Variants in MXRA8 observed in about 807,000 individuals in gnomAD.
MXRA8 encodes matrix remodeling associated 8.
Under a neutral mutation model 51.4 loss-of-function variants are expected in MXRA8, and 44 were observed. The observed-to-expected ratio is 0.86, with a 90% CI of 0.67 to 1.10. MXRA8 has a LOEUF of 1.10. Ranked by LOEUF, MXRA8 falls within the 50% of genes least tolerant of loss-of-function variation. The probability of loss-of-function intolerance (pLI) is 0.00; values close to 1 mark genes in which losing one functional copy is unlikely to be tolerated. For synonymous variants in MXRA8, 369 were observed against 293.5 expected (o/e 1.26, Z -2.63); for missense variants, 765 against 638.9 (o/e 1.20, Z -2.13).
At position 1,354,944 on chromosome 1, in the gene MXRA8, G is replaced by C; in HGVS notation, c.687C>G (p.Gly229=). The C allele has an allele frequency of 6.2e-7, 1 of 1,601,046 alleles. No homozygotes were observed. The highest frequency in any genetic ancestry group is 8.5e-7 in the Non-Finnish European group (1 of 1,174,830). The part of the protein sequence containing the change: ...ADRLLDLYAS[G]ERRAYGPLFL... ...AAAGGGGCCCGTAGGCGCGGCGCTCGCCCGACGCGTAGAGGTCCAGCAGGC... is the reference window on the plus strand; with the variant it reads ...AAAGGGGCCCGTAGGCGCGGCGCTCCCCCGACGCGTAGAGGTCCAGCAGGC... Residue 229 remains glycine (G), a synonymous_variant, in exon 5 of 10, where the codon GGC becomes GGG. Coordinates refer to ENST00000309212, the MANE Select transcript of MXRA8 (RefSeq NM_032348.4).
Position 1,354,393 on chromosome 1 carries a change from G to A in MXRA8, c.1066C>T (p.Leu356=). 1 of 1,612,360 alleles carries A rather than the reference G, an allele frequency of 6.2e-7. No homozygotes were observed. The highest frequency in any genetic ancestry group is 8.5e-7 in the Non-Finnish European group (1 of 1,179,842). Residue 356 remains leucine, a synonymous_variant, in exon 6 of 10, where the codon CTG becomes TTG. Transcript: ENST00000309212. The part of the protein sequence containing the change: ...LATLLLFILL[L]VTVLLAARRR... ...CGGGCGGCCAGGAGGACAGTGACCA[G>A]TAGCAGGATGAAGAGCAGCAGCGTG...
chr1:1,363,098 A>G (rs1417517557), upstream of MXRA8, among the ~76,000 whole-genome samples: 1 of 151,272 alleles, frequency 6.6e-6, no homozygotes, highest in East Asian at 1.9e-4. Context: ...AAAAAAAGAA[A>G]GGAGTGAAAC....
upstream of MXRA8, chr1:1,358,643 C>T (rs1569809769): frequency 1.4e-6 from 2 of 1,416,066 alleles, no homozygotes; most frequent in South Asian, 1.6e-5. Context: ...GGGACCGCCC[C>T]CTCTGGCTCC....
At chr1:1,360,999 C>G (rs927613075), upstream of MXRA8, among the ~76,000 whole-genome samples, 1 of 151,284 alleles carries the variant, frequency 6.6e-6, no homozygotes, top group African/African-American at 2.4e-5. Flanking sequence ...GACACATGCA[C>G]ACACGCGAAG....
In MXRA8 at chr1:1,355,154, T is replaced by A. The variant is rs1271221908; in HGVS notation, c.479-2A>T. ...CCCAGTAGGCGGGGGTGGCCGGGGC[T>A]GCGGAGGGGGCGCGGTCAGCGGCGC... is the stretch of plus-strand genomic sequence containing the variant. On this transcript the variant is annotated splice_acceptor_variant, in intron 4 of 9. Transcript: ENST00000309212. LOFTEE classifies it high-confidence loss of function. 1 of 1,240,096 alleles carries A rather than the reference T, an allele frequency of 8.1e-7. No homozygotes were observed. Among genetic ancestry groups the A allele is most frequent in the Non-Finnish European group, 1.0e-6 (1 of 993,704 alleles). 76.8% of individuals were successfully genotyped at this position (1,240,096 alleles called of 1,614,324 possible). A position where few individuals can be genotyped will look rare whatever the true frequency, so the allele number is the denominator to read the frequency against.
At chr1:1,359,544 C>T (rs1054500282), upstream of MXRA8, 2 of 985,270 alleles carry the variant, frequency 2.0e-6, no homozygotes, top group East Asian at 1.1e-4. Context: ...GCCCCGAGGG[C>T]CCCAGCTGGG....
rs1644112205 is a variant in MXRA8 at position 1,355,721 on chromosome 1, G to C, written c.105C>G (p.Ser35=). ...AGCTCACCGCGGACTCGGACACCACGGAGCTGCCAGCAGCGGCGGGTACCG... is the reference window on the plus strand; with the variant it reads ...AGCTCACCGCGGACTCGGACACCACCGAGCTGCCAGCAGCGGCGGGTACCG... ...GSSVPAAAGS[S]VVSESAVSWE... Residue 35 remains serine (S), a synonymous_variant, in exon 3 of 10, where the codon TCC becomes TCG. Coordinates refer to ENST00000309212, the MANE Select transcript of MXRA8 (RefSeq NM_032348.4). The C allele has an allele frequency of 3.0e-6, 4 of 1,323,274 alleles. No individual in the cohort carries two copies. The highest frequency in any genetic ancestry group is 3.8e-6 in the Non-Finnish European group (4 of 1,042,580). 82.0% of individuals were successfully genotyped at this position (1,323,274 alleles called of 1,614,324 possible).
At chr1:1,358,623 C>T, upstream of MXRA8, 1 of 1,454,104 alleles carries the variant, frequency 6.9e-7, no homozygotes, top group Non-Finnish European at 9.1e-7. Context: ...CTGGGCCTGT[C>T]TACGGTCTGG....
rs372284836 is a variant in MXRA8 at position 1,355,314 on chromosome 1, G to A, written c.408C>T (p.Thr136=). Residue 136 remains threonine, a synonymous_variant, in exon 4 of 10, where the codon ACC becomes ACT. Transcript: ENST00000309212. ...AVEETDAGLY[T]CNLHHHYCHL... ...GGCAGTAGTGATGGTGCAGGTTGCA[G>A]GTGTACAGCCCCGCGTCCGTCTCCT... 7.6e-6 allele frequency: 12 copies of A among 1,580,252 alleles called. No individual in the cohort carries two copies. Among genetic ancestry groups the A allele is most frequent in the African/African-American group, 5.6e-5 (4 of 71,268 alleles).
intron 1 of MXRA8, among the ~76,000 whole-genome samples, chr1:1,357,137 G>A (rs1382835622): frequency 7.9e-5 from 12 of 152,178 alleles, no homozygotes; most frequent in African/African-American, 2.2e-4. Context: ...AAGGCTCAGC[G>A]CAGCCCCTGA....
intron 2 of MXRA8, among the ~76,000 whole-genome samples, chr1:1,356,209 C>T (rs1386329782): frequency 8.2e-6 from 1 of 122,218 alleles, no homozygotes; most frequent in Non-Finnish European, 1.8e-5. Context: ...GAGTGGTGGA[C>T]CCCCGAGGGC....
upstream of MXRA8, among the ~76,000 whole-genome samples, chr1:1,360,509 G>T (rs1170448650): frequency 1.3e-5 from 2 of 149,740 alleles, no homozygotes; most frequent in Non-Finnish European, 3.0e-5. Context: ...CTGGGGGGTG[G>T]TCTGCAGAGC....
chr1:1,359,875 G>C (rs1644198584), upstream of MXRA8, among the ~76,000 whole-genome samples: 3 of 152,236 alleles, frequency 2.0e-5, no homozygotes, highest in East Asian at 1.9e-4. Context: ...GGCTGGCCTC[G>C]AGGCCTCTGC....
chr1:1,354,672 C>T lies in MXRA8; in HGVS notation c.949+10G>A. On this transcript the variant is annotated intron_variant, in intron 5 of 9. Transcript: ENST00000309212. ...CCCGCCTTCCCGGGTCCCAGGGAGGCCTCCTTCACCTGGGCCTGGGGCGCC... is the reference window on the plus strand; with the variant it reads ...CCCGCCTTCCCGGGTCCCAGGGAGGTCTCCTTCACCTGGGCCTGGGGCGCC... 2 of 1,558,614 alleles carry T rather than the reference C, an allele frequency of 1.3e-6. No individual in the cohort carries two copies. Among genetic ancestry groups the T allele is most frequent in the African/African-American group, 1.4e-5 (1 of 73,372 alleles).
At position 1,354,719 on chromosome 1, in the gene MXRA8, C is replaced by A; in HGVS notation, c.912G>T (p.Pro304=). ...CGCCGCTGTGGCTGGAGCCGTTGCC[C>A]GGAGAGCCCCGGGGGGGCGGCTCCG... ...PHAEPPPRGS[P]GNGSSHSGAP... Residue 304 remains proline (P), a synonymous_variant, in exon 5 of 10, where the codon CCG becomes CCT. Coordinates refer to ENST00000309212, the MANE Select transcript of MXRA8 (RefSeq NM_032348.4). 1 of 1,602,100 alleles carries A rather than the reference C, an allele frequency of 6.2e-7. No individual in the cohort carries two copies. Among genetic ancestry groups the A allele is most frequent in the East Asian group, 2.3e-5 (1 of 44,308 alleles).
rs767671864 is a variant in MXRA8, at chr1:1,354,731, G to C, written c.900C>G (p.Pro300=). The change falls in exon 5 of 10, where the codon CCC becomes CCG. Residue 300 remains proline, a synonymous_variant. Coordinates refer to ENST00000309212, the MANE Select transcript of MXRA8 (RefSeq NM_032348.4). ...TGGAGCCGTTGCCCGGAGAGCCCCG[G>C]GGGGGCGGCTCCGCGTGGGGTTCGG... ...TVAEPHAEPP[P]RGSPGNGSSH... 2.4e-5 allele frequency: 38 copies of C among 1,608,032 alleles called. No individual in the cohort carries two copies. In the Middle Eastern group the frequency reaches 5.2e-4, roughly 22 times the overall value.
intron 3 of MXRA8, 29 bp from the exon 4 acceptor site, chr1:1,355,374 A>G: frequency 6.4e-7 from 1 of 1,557,616 alleles, no homozygotes; most frequent in Non-Finnish European, 8.6e-7. Context: ...GCCGCGCGTG[A>G]GCCTTGCGGT....
Position 1,354,394 on chromosome 1 carries a change from T to C in MXRA8, c.1065A>G (p.Leu355=), listed in dbSNP as rs1367036003. ...VLATLLLFIL[L]LVTVLLAARR... is the part of the protein sequence containing the mutation. ...GGGCGGCCAGGAGGACAGTGACCAGTAGCAGGATGAAGAGCAGCAGCGTGG... is the reference window on the plus strand; with the variant it reads ...GGGCGGCCAGGAGGACAGTGACCAGCAGCAGGATGAAGAGCAGCAGCGTGG... Residue 355 remains leucine (L), a synonymous_variant, in exon 6 of 10, where the codon CTA becomes CTG. Coordinates refer to ENST00000309212, the MANE Select transcript of MXRA8 (RefSeq NM_032348.4). The C allele has an allele frequency of 6.2e-7, 1 of 1,612,180 alleles. No individual in the cohort carries two copies. Among genetic ancestry groups the C allele is most frequent in the Non-Finnish European group, 8.5e-7 (1 of 1,179,798 alleles).
chr1:1,353,117 G>T lies in MXRA8; in HGVS notation c.*487C>A. ...GGTGGCAGGCAGCACCCCAGGAGGAGTGGGACTCCTGCCGAGGCTGACCCC... is the reference window on the plus strand; with the variant it reads ...GGTGGCAGGCAGCACCCCAGGAGGATTGGGACTCCTGCCGAGGCTGACCCC... On this transcript the variant is annotated 3_prime_UTR_variant, in exon 10 of 10. Coordinates refer to ENST00000309212, the MANE Select transcript of MXRA8 (RefSeq NM_032348.4). 1 of 710,644 alleles carries T rather than the reference G, an allele frequency of 1.4e-6. No homozygotes were observed. Among genetic ancestry groups the T allele is most frequent in the East Asian group, 2.7e-5 (1 of 36,648 alleles). 44.0% of individuals were successfully genotyped at this position (710,644 alleles called of 1,614,324 possible). A position where few individuals can be genotyped will look rare whatever the true frequency, so the allele number is the denominator to read the frequency against.
Sources: gnomAD v4.1 joint callset for allele counts (sites outside exome capture counted in the v4.1 genomes callset) on GRCh38, gnomAD v4.1.1 for gene constraint, MANE v1.5 for transcripts, NCBI Gene and HGNC (gene_info 2026-07-23, HGNC 2026-07-21) for gene names.